The following PSME4 variants were observed in gnomAD, a reference collection of about 807,000 sequenced individuals.
PSME4 encodes the protein proteasome activator subunit 4, also known as proteasome activator complex subunit 4.
Under a neutral mutation model 253.9 loss-of-function variants are expected in PSME4, and 89 were observed. The observed-to-expected ratio is 0.35, with a 90% CI of 0.30 to 0.42. The LOEUF is 0.42. Ranked by LOEUF, PSME4 falls within the 10% of genes least tolerant of loss-of-function variation. PSME4 has a pLI of 1.00. For missense variants in PSME4, 2,014 were observed against 2,195.2 expected (o/e 0.92, Z 1.65); for synonymous variants, 851 against 759.2 (o/e 1.12, Z -1.99).
rs77580913 is a variant in PSME4, at chr2:53,935,003, G to C, written c.835-276C>G. ...GAACAGACAAATGTGATTATTTATG[G>C]CTAAATATAAAAAGACAAAAACATA... On this transcript the variant is annotated intron_variant, in intron 7 of 46. Coordinates refer to ENST00000404125, the MANE Select transcript of PSME4 (RefSeq NM_014614.3). Among the ~76,000 whole-genome samples, 1,362 of 152,228 alleles carry C rather than the reference G, an allele frequency of 8.9e-3. 13 individuals carry two copies. Among genetic ancestry groups the C allele is most frequent in the African/African-American group, 0.031 (1,295 of 41,544 alleles).
intron 24 of PSME4, 79 bp from the exon 25 acceptor site, chr2:53,906,947 T>C: frequency 7.4e-7 from 1 of 1,349,278 alleles, no homozygotes; most frequent in Non-Finnish European, 1.0e-6. Flanking sequence ...AATACCTTAA[T>C]AAGTGGTCAA....
At chr2:53,942,563 A>G (rs1669502585) in intron 3 of PSME4, among the ~76,000 whole-genome samples, 1 of 152,074 alleles carries the variant, frequency 6.6e-6, no homozygotes, top group African/African-American at 2.4e-5. Context: ...TCCTAGTTAT[A>G]TTATAGCTGT....
chr2:53,934,269 T>A lies in PSME4; in HGVS notation c.957+336A>T, dbSNP rs1368817115. Among the ~76,000 whole-genome samples the A allele has an allele frequency of 2.6e-5, 4 of 152,122 alleles. No homozygotes were observed. The East Asian group carries it at 5.8e-4, about 22-fold the overall frequency. ...TATTAACAGTGAGTAAGTAATGGAGTCTAAGCACATACAAATCCTGAGTTG... is the reference window on the plus strand; with the variant it reads ...TATTAACAGTGAGTAAGTAATGGAGACTAAGCACATACAAATCCTGAGTTG... On this transcript the variant is annotated intron_variant, in intron 8 of 46. Coordinates refer to ENST00000404125, the MANE Select transcript of PSME4 (RefSeq NM_014614.3).
At chr2:53,934,805 G>A in intron 7 of PSME4, 78 bp from the exon 8 acceptor site, 2 of 1,073,956 alleles carry the variant, frequency 1.9e-6, no homozygotes, top group Admixed American at 4.9e-5. Context: ...CTGTATATTA[G>A]TGTTACTGAA....
chr2:53,894,860 CAT>C, intron 34 of PSME4, 145 bp downstream of exon 34: 1 of 653,462 alleles, frequency 1.5e-6, no homozygotes, highest in Non-Finnish European at 2.6e-6. Context: ...GAATGGATTA[CAT>C]AGTCACCAAT....
At chr2:53,899,545 C>A (rs1293242056) in intron 29 of PSME4, among the ~76,000 whole-genome samples, 1 of 152,072 alleles carries the variant, frequency 6.6e-6, no homozygotes, top group Non-Finnish European at 1.5e-5. Flanking sequence ...CGGCCAGGCG[C>A]AGTGGCTCAT....
rs1558662177 is a variant in PSME4 at position 53,897,888 on chromosome 2, A to T, written c.3588T>A (p.Asp1196Glu). 1.9e-6 allele frequency: 3 copies of T among 1,613,840 alleles called. No individual in the cohort carries two copies. Among genetic ancestry groups the T allele is most frequent in the Non-Finnish European group, 1.7e-6 (2 of 1,179,712 alleles). The change falls in exon 31 of 47, where the codon GAT (aspartate) becomes GAA (glutamate). Residue 1196 changes from aspartate to glutamate, a missense_variant. Coordinates refer to ENST00000404125, the MANE Select transcript of PSME4 (RefSeq NM_014614.3). Reference protein sequence around the residue: ...IRFFVENLNHDAIVVRKMAIS... With the variant: ...IRFFVENLNHEAIVVRKMAIS... ...TATGTACCTTTCGAACTACAATTGC[A>T]TCATGGTTGAGATTCTCAACAAAAA...
chr2:53,928,035 A>G, intron 11 of PSME4, 82 bp downstream of exon 11: 1 of 1,107,278 alleles, frequency 9.0e-7, no homozygotes. Flanking sequence ...GCTTATGCAC[A>G]AACTTCTCCA....
chr2:53,895,845 T>C lies in PSME4; in HGVS notation c.3689-109A>G, dbSNP rs1053540637. On this transcript the variant is annotated intron_variant, in intron 32 of 46. Coordinates refer to ENST00000404125, the MANE Select transcript of PSME4 (RefSeq NM_014614.3). ...TAACTTTGTCTTCACAAAACAACAC[T>C]ACAAAAATAACATTAAGATAACATA... 4 of 1,004,820 alleles carry C rather than the reference T, an allele frequency of 4.0e-6. No individual in the cohort carries two copies. The Admixed American group carries it at 8.4e-5, about 21-fold the overall frequency. The allele number at this position is 1,004,820 out of a possible 1,614,324, so 62.2% of individuals were successfully genotyped here.
Position 53,906,845 on chromosome 2 carries a change from G to T in PSME4, c.2808C>A (p.Ile936=). 6.2e-7 allele frequency: 1 copy of T among 1,613,462 alleles called. No homozygotes were observed. Among genetic ancestry groups the T allele is most frequent in the South Asian group, 1.1e-5 (1 of 91,008 alleles). The change falls in exon 25 of 47, where the codon ATC becomes ATA. Residue 936 remains isoleucine, a synonymous_variant. Transcript: ENST00000404125. ...TTACTCTATCAATCAACAGTGCTCT[G>T]ATATGTTGTTTTTTCCCATGGAGCT... ...ENRLHGKKQH[I]RALLIDRVML...
intron 10 of PSME4, among the ~76,000 whole-genome samples, chr2:53,931,248 G>C (rs1370248602): frequency 6.6e-6 from 1 of 151,992 alleles, no homozygotes; most frequent in Admixed American, 6.5e-5. Flanking sequence ...CCAGCCTGGG[G>C]GACTACAGCA....
intron 1 of PSME4, among the ~76,000 whole-genome samples, chr2:53,962,536 C>A (rs970567545): frequency 3.9e-5 from 6 of 152,280 alleles, no homozygotes; most frequent in African/African-American, 1.2e-4. Context: ...CTCAGAACAT[C>A]AAACGGTACA....
chr2:53,887,480 A>G lies in PSME4; in HGVS notation c.4521-13T>C. 1 of 1,590,624 alleles carries G rather than the reference A, an allele frequency of 6.3e-7. No individual in the cohort carries two copies. Among genetic ancestry groups the G allele is most frequent in the Non-Finnish European group, 8.6e-7 (1 of 1,162,244 alleles). ...GTAGGTCAGCACACTGCAAAATAAA[A>G]TACTTAATAATAGGAAGAGGTGCCA... On this transcript the variant is annotated splice_polypyrimidine_tract_variant and intron_variant, in intron 39 of 46. Transcript: ENST00000404125.
intron 20 of PSME4, among the ~76,000 whole-genome samples, chr2:53,917,715 T>C (rs1668121686): frequency 6.6e-6 from 1 of 152,208 alleles, no homozygotes; most frequent in Admixed American, 6.5e-5. Context: ...AAGTATGAAA[T>C]AGCTTTTTGC....
At position 53,931,824 on chromosome 2, in the gene PSME4, T is replaced by C. The variant is rs1668845097; in HGVS notation, c.1316+11A>G. ...ACCTAGCTGTGGCTGAGACTCCCACTAACCACTTACCTTTCAAGTACAGGG... is the reference window on the plus strand; with the variant it reads ...ACCTAGCTGTGGCTGAGACTCCCACCAACCACTTACCTTTCAAGTACAGGG... On this transcript the variant is annotated intron_variant, in intron 10 of 46. Transcript: ENST00000404125. The C allele has an allele frequency of 6.2e-7, 1 of 1,612,874 alleles. No homozygotes were observed. The highest frequency in any genetic ancestry group is 1.7e-5 in the Admixed American group (1 of 59,940).
At chr2:53,916,200 T>C (rs1410102799) in intron 20 of PSME4, among the ~76,000 whole-genome samples, 1 of 125,650 alleles carries the variant, frequency 8.0e-6, no homozygotes, top group East Asian at 2.4e-4. Flanking sequence ...TGAGCTGAGA[T>C]CCCACCACTA....
intron 20 of PSME4, among the ~76,000 whole-genome samples, chr2:53,914,635 C>T (rs190034649): frequency 6.6e-6 from 1 of 152,284 alleles, no homozygotes; most frequent in Non-Finnish European, 1.5e-5. Context: ...GTGATCCCAG[C>T]ACTTTGGGAG....
chr2:53,899,473 G>A (rs2104433548), intron 29 of PSME4, among the ~76,000 whole-genome samples: 1 of 152,240 alleles, frequency 6.6e-6, no homozygotes, highest in African/African-American at 2.4e-5. Flanking sequence ...AAGTCAATGT[G>A]TAAACATCAT....
intron 1 of PSME4, among the ~76,000 whole-genome samples, chr2:53,956,868 C>A (rs1670260947): frequency 1.3e-5 from 2 of 152,196 alleles, no homozygotes; most frequent in Admixed American, 1.3e-4. Context: ...ATTTAAATGT[C>A]CCTTATCAAA....
Sources: allele counts gnomAD v4.1 joint callset (sites outside exome capture counted in the v4.1 genomes callset), GRCh38; gene constraint gnomAD v4.1.1; transcripts MANE v1.5; gene names NCBI Gene and HGNC (gene_info 2026-07-23, HGNC 2026-07-21).